CXADR: variants seen among roughly 807,000 people sequenced by gnomAD.
CXADR encodes the protein coxsackievirus and adenovirus receptor.
A neutral mutation model predicts 40.3 loss-of-function variants in CXADR; 20 were observed. The ratio of observed to expected loss-of-function variants is 0.50; its 90% CI spans 0.35 to 0.72. The LOEUF is 0.72. Among genes scored for constraint, CXADR ranks in the 30% least tolerant of loss-of-function variants. The pLI is 0.01. For missense variants in CXADR, 332 were observed against 449.1 expected (o/e 0.74, Z 2.36); for synonymous variants, 150 against 161.3 (o/e 0.93, Z 0.53).
At chr21:17,524,353 G>T (rs1027754512) in intron 1 of CXADR, among the ~76,000 whole-genome samples, 2 of 151,722 alleles carry the variant, frequency 1.3e-5, no homozygotes, top group African/African-American at 2.4e-5. Context: ...CCTGAGGTCA[G>T]GCATTCGAGA....
the CXADR span, chr21:17,613,559 G>C: frequency 6.6e-6 from 1 of 152,276 alleles, no homozygotes; most frequent in Admixed American, 6.5e-5. Flanking sequence ...GTGCTGCCCT[G>C]GCACCGGCCA....
chr21:17,609,261 T>G, the CXADR span: 1 of 1,045,468 alleles, frequency 9.6e-7, no homozygotes, highest in Non-Finnish European at 1.4e-6. Context: ...CCTTCCAATT[T>G]TATCTTGTAT....
At chr21:17,529,248 G>A (rs534427660) in intron 1 of CXADR, among the ~76,000 whole-genome samples, 9 of 151,738 alleles carry the variant, frequency 5.9e-5, no homozygotes, top group Non-Finnish European at 8.8e-5. Flanking sequence ...GGTCAGGCTG[G>A]TGTCGAACTC....
chr21:17,536,921 T>C (rs977769953), intron 1 of CXADR, among the ~76,000 whole-genome samples: 1 of 152,044 alleles, frequency 6.6e-6, no homozygotes, highest in South Asian at 2.1e-4. Context: ...CATGCCCAGC[T>C]AATTTTTTGT....
chr21:17,532,057 A>T (rs894088413), intron 1 of CXADR, among the ~76,000 whole-genome samples: 2 of 151,600 alleles, frequency 1.3e-5, no homozygotes, highest in Non-Finnish European at 2.9e-5. Flanking sequence ...CAGTCTCCGT[A>T]GTAGCTGGGA....
the CXADR span, chr21:17,599,087 A>G: frequency 2.9e-6 from 1 of 342,364 alleles, no homozygotes. Context: ...TTCCTAAAAA[A>G]AAAATTGTTT....
intron 7 of CXADR, among the ~76,000 whole-genome samples, chr21:17,582,915 T>C (rs138482214): frequency 6.6e-6 from 1 of 152,314 alleles, no homozygotes; most frequent in Non-Finnish European, 1.5e-5. Flanking sequence ...TGTTTCTAAG[T>C]AAGACATCTT....
At chr21:17,529,376 A>C (rs370759590) in intron 1 of CXADR, among the ~76,000 whole-genome samples, 32 of 152,086 alleles carry the variant, frequency 2.1e-4, no homozygotes, top group Middle Eastern at 3.4e-3. Flanking sequence ...GCTGCAGTGC[A>C]GTGGCATGAT....
At chr21:17,588,530 C>T (rs2061413470) in intron 7 of CXADR, among the ~76,000 whole-genome samples, 1 of 152,070 alleles carries the variant, frequency 6.6e-6, no homozygotes, top group Non-Finnish European at 1.5e-5. Flanking sequence ...ATTTGGCTCT[C>T]TGTTTGTCTG....
exon 8 of CXADR, chr21:17,593,434 TTATTA>T: frequency 6.7e-6 from 2 of 299,022 alleles, no homozygotes; most frequent in East Asian, 5.3e-5. Context: ...AAAAGATGTT[TTATTA>T]TATTTTCAAT....
intron 3 of CXADR, among the ~76,000 whole-genome samples, chr21:17,555,262 C>G (rs1230103931): frequency 6.6e-6 from 1 of 152,218 alleles, no homozygotes; most frequent in Admixed American, 6.5e-5. Flanking sequence ...TATACTCCCA[C>G]TGCACCATGC....
At chr21:17,513,444 G>A (rs1401653833) in intron 1 of CXADR, among the ~76,000 whole-genome samples, 2 of 152,174 alleles carry the variant, frequency 1.3e-5, no homozygotes, top group Non-Finnish European at 2.9e-5. Context: ...CGGGCGCGGC[G>A]TGTCGGGTGC....
the CXADR span, chr21:17,633,165 C>T: frequency 2.6e-5 from 4 of 152,146 alleles, no homozygotes; most frequent in Non-Finnish European, 5.9e-5. Flanking sequence ...GGAGAGCTCT[C>T]CCTGAAGTTC....
chr21:17,573,874 T>C (rs2061299237), downstream of CXADR, among the ~76,000 whole-genome samples: 1 of 152,218 alleles, frequency 6.6e-6, no homozygotes, highest in South Asian at 2.1e-4. Context: ...GCCTCTGCAC[T>C]CCAGCCTGGG....
chr21:17,584,690 A>G (rs1268778045), intron 7 of CXADR, among the ~76,000 whole-genome samples: 1 of 152,100 alleles, frequency 6.6e-6, no homozygotes, highest in African/African-American at 2.4e-5. Context: ...AGTTAGCTGG[A>G]CATGGTGGCG....
the CXADR span, among the ~76,000 whole-genome samples, chr21:17,629,297 T>G: frequency 1.3e-5 from 2 of 150,998 alleles, no homozygotes; most frequent in African/African-American, 2.4e-5. Flanking sequence ...GAAGGATCGC[T>G]TGAACCTGGG....
chr21:17,541,368 C>T (rs1424070805), intron 1 of CXADR, among the ~76,000 whole-genome samples: 5 of 151,858 alleles, frequency 3.3e-5, no homozygotes, highest in Admixed American at 6.6e-5. Flanking sequence ...CTGGCTAACA[C>T]GGCGAAACCC....
At chr21:17,533,222 C>T (rs1300389558) in intron 1 of CXADR, among the ~76,000 whole-genome samples, 1 of 152,182 alleles carries the variant, frequency 6.6e-6, no homozygotes, top group East Asian at 1.9e-4. Flanking sequence ...AATTTGGCAA[C>T]AGTCAGATAA....
rs181163061 is a variant in CXADR at position 17,566,297 on chromosome 21, A to G, written c.*605A>G. The G allele has an allele frequency of 7.1e-6, 7 of 983,840 alleles. No homozygotes were observed. The East Asian group carries it at 5.7e-4, about 80-fold the overall frequency. 60.9% of individuals were successfully genotyped at this position (983,840 alleles called of 1,614,324 possible). Reference sequence around the variant, plus strand: ...TCTAAGTCATTCATAAACCTTGTCTATGAAATGACTTCTTAAATATTTAGT... The same window carrying G: ...TCTAAGTCATTCATAAACCTTGTCTGTGAAATGACTTCTTAAATATTTAGT... On this transcript the variant is annotated 3_prime_UTR_variant, in exon 7 of 7. Transcript: ENST00000284878.
Sources: allele counts gnomAD v4.1 joint callset (sites outside exome capture counted in the v4.1 genomes callset), GRCh38; gene constraint gnomAD v4.1.1; transcripts MANE v1.5; gene names NCBI Gene and HGNC (gene_info 2026-07-23, HGNC 2026-07-21).